The following MARK4 variants were observed in gnomAD, a reference collection of about 807,000 sequenced individuals.
MARK4 encodes microtubule affinity regulating kinase 4, also known as MAP/microtubule affinity-regulating kinase 4.
Under a neutral mutation model 81.5 loss-of-function variants are expected in MARK4, and 19 were observed. That is an observed-to-expected ratio of 0.23 (90% CI 0.16 to 0.34). The LOEUF (loss-of-function observed/expected upper bound fraction) is 0.34, where lower values mean the gene tolerates loss of function less well. Ranked by LOEUF, MARK4 falls within the 10% of genes least tolerant of loss-of-function variation. The pLI is 1.00. For missense variants in MARK4, 772 were observed against 1,058.8 expected (o/e 0.73, Z 3.76); for synonymous variants, 436 against 439.0 (o/e 0.99, Z 0.08).
intron 12 of MARK4, among the ~76,000 whole-genome samples, chr19:45,283,208 G>A (rs1340323332): frequency 4.0e-5 from 6 of 151,880 alleles, no homozygotes; most frequent in South Asian, 2.1e-4. Flanking sequence ...GCAGGAGTTC[G>A]AGACCACTGG....
chr19:45,260,086 C>A (rs1272291410), intron 2 of MARK4, among the ~76,000 whole-genome samples: 1 of 149,176 alleles, frequency 6.7e-6, no homozygotes, highest in Non-Finnish European at 1.5e-5. Flanking sequence ...GACTCTGTCT[C>A]AAAAAAATAA....
intron 13 of MARK4, among the ~76,000 whole-genome samples, chr19:45,289,405 A>T (rs902699178): frequency 6.6e-6 from 1 of 150,712 alleles, no homozygotes; most frequent in African/African-American, 2.4e-5. Context: ...AAAAAAAAAA[A>T]AAAGCATGGG....
At chr19:45,285,601 AG>A (rs1970732866) in intron 12 of MARK4, among the ~76,000 whole-genome samples, 1 of 151,086 alleles carries the variant, frequency 6.6e-6, no homozygotes, top group Non-Finnish European at 1.5e-5. Flanking sequence ...GTAAAATGAC[AG>A]GGCGTGCCCA....
In MARK4 at chr19:45,278,381, C is replaced by T. The variant is rs748303942; in HGVS notation, c.907-135C>T. The T allele has an allele frequency of 3.5e-4, 274 of 785,812 alleles. 1 individual carries two copies. Among genetic ancestry groups the T allele is most frequent in the Non-Finnish European group, 5.2e-4 (241 of 464,282 alleles). 48.7% of individuals were successfully genotyped at this position (785,812 alleles called of 1,614,324 possible). A position where few individuals can be genotyped will look rare whatever the true frequency, so the allele number is the denominator to read the frequency against. On this transcript the variant is annotated intron_variant, in intron 9 of 16. Transcript: ENST00000262891. ...AGGGGACGTGGGGGAGAGAGAGGCCCAGGAGGCGCTATCTCTTAGGAAGCC... is the reference window on the plus strand; with the variant it reads ...AGGGGACGTGGGGGAGAGAGAGGCCTAGGAGGCGCTATCTCTTAGGAAGCC...
chr19:45,294,232 G>C lies in MARK4; in HGVS notation c.1495-117G>C, dbSNP rs527702462. On this transcript the variant is annotated intron_variant, in intron 13 of 16. Coordinates refer to ENST00000262891, the MANE Select transcript of MARK4 (RefSeq NM_001199867.2). Reference sequence around the variant, plus strand: ...CTTTCACCATCTCCTACTCACCCTGGGTTCCCACATGAGCCCCTGACTTAT... The same window carrying C: ...CTTTCACCATCTCCTACTCACCCTGCGTTCCCACATGAGCCCCTGACTTAT... 1.9e-5 allele frequency: 17 copies of C among 894,602 alleles called. No individual in the cohort carries two copies. The East Asian group carries it at 3.9e-4, about 21-fold the overall frequency. 55.4% of individuals were successfully genotyped at this position (894,602 alleles called of 1,614,324 possible).
At chr19:45,252,322 A>G (rs1970254621) in intron 1 of MARK4, among the ~76,000 whole-genome samples, 1 of 151,638 alleles carries the variant, frequency 6.6e-6, no homozygotes, top group Non-Finnish European at 1.5e-5. Flanking sequence ...CGGGGCCCCC[A>G]GATGCCACCT....
intron 13 of MARK4, among the ~76,000 whole-genome samples, chr19:45,288,925 G>A (rs1435516565): frequency 1.3e-5 from 2 of 150,538 alleles, no homozygotes; most frequent in Non-Finnish European, 2.9e-5. Context: ...ATCTACATTC[G>A]GTCCCACTCC....
At chr19:45,254,036 G>C (rs1239623664) in intron 1 of MARK4, among the ~76,000 whole-genome samples, 1 of 152,140 alleles carries the variant, frequency 6.6e-6, no homozygotes, top group East Asian at 1.9e-4. Flanking sequence ...TCCTGGTGGG[G>C]AGTCACTTGC....
chr19:45,298,143 G>A, intron 15 of MARK4, 189 bp downstream of exon 15: 1 of 1,613,632 alleles, frequency 6.2e-7, no homozygotes, highest in Non-Finnish European at 8.5e-7. Context: ...CACACTGCAG[G>A]GTTACCCTCG....
At position 45,280,709 on chromosome 19, in the gene MARK4, C is replaced by CCGCCAG. The variant is rs763953741; in HGVS notation, c.1255_1260dup (p.Gln419_Arg420dup). 4 of 1,614,038 alleles carry CCGCCAG rather than the reference C, an allele frequency of 2.5e-6. No individual in the cohort carries two copies. ...AGCGGAGTTCCTCTTCCACCTACCA[C>CCGCCAG]CGCCAGCGCAGGCATAGCGATTTCT... is the stretch of plus-strand genomic sequence containing the variant. On this transcript the variant is annotated inframe_insertion, in exon 12 of 17. Coordinates refer to ENST00000262891, the MANE Select transcript of MARK4 (RefSeq NM_001199867.2).
At chr19:45,260,377 G>A (rs1342608317) in intron 2 of MARK4, among the ~76,000 whole-genome samples, 3 of 136,132 alleles carry the variant, frequency 2.2e-5, no homozygotes, top group Non-Finnish European at 3.1e-5. Flanking sequence ...CAACAAGACC[G>A]AGACTTTGTC....
rs561020280 is a variant in MARK4, at chr19:45,258,730, G to C, written c.52-259G>C. Among the ~76,000 whole-genome samples, 111 of 152,132 alleles carry C rather than the reference G, an allele frequency of 7.3e-4. No individual in the cohort carries two copies. In the Middle Eastern group the frequency reaches 0.01, roughly 14 times the overall value. On this transcript the variant is annotated intron_variant, in intron 1 of 16. Transcript: ENST00000262891. Reference sequence around the variant, plus strand: ...AAAAAAAAAAGACAAGGAGGTTGGGGGTAGTCAGACTGCAGTGAGGGTTGA... The same window carrying C: ...AAAAAAAAAAGACAAGGAGGTTGGGCGTAGTCAGACTGCAGTGAGGGTTGA...
At chr19:45,266,730 C>CTT (rs35618045) in intron 7 of MARK4, among the ~76,000 whole-genome samples, 1,585 of 124,232 alleles carry the variant, frequency 0.013, 35 homozygotes, top group Non-Finnish European at 0.022. Flanking sequence ...AATCTGAGAA[C>CTT]TTTTTTTTTT....
intron 1 of MARK4, among the ~76,000 whole-genome samples, chr19:45,258,647 C>A (rs981410867): frequency 6.6e-6 from 1 of 151,662 alleles, no homozygotes; most frequent in African/African-American, 2.4e-5. Flanking sequence ...TTGCAGTGAG[C>A]TGAGATCGTG....
intron 6 of MARK4, 135 bp downstream of exon 6, chr19:45,265,045 C>G: frequency 1.3e-6 from 1 of 792,754 alleles, no homozygotes; most frequent in Non-Finnish European, 2.1e-6. Context: ...AGGTGCAGAG[C>G]TGGGTGTGCT....
In MARK4 at chr19:45,300,998, G is replaced by T. The variant is rs532816612; in HGVS notation, c.1922+1143G>T. Among the ~76,000 whole-genome samples, 28 of 152,248 alleles carry T rather than the reference G, an allele frequency of 1.8e-4. No homozygotes were observed. The South Asian group carries it at 3.9e-3, about 21-fold the overall frequency. On this transcript the variant is annotated intron_variant, in intron 16 of 16. Transcript: ENST00000262891. ...GTAGAGCAGCACTCTCGTACTTCAG[G>T]CGGGACGTTTCTTTGTTGTGCAGGG...
intron 12 of MARK4, among the ~76,000 whole-genome samples, chr19:45,282,931 G>T (rs1293700980): frequency 6.6e-6 from 1 of 152,090 alleles, no homozygotes; most frequent in African/African-American, 2.4e-5. Flanking sequence ...GATCGAGGTC[G>T]TGGTGAGCCG....
rs1971019232 is a variant in MARK4 at position 45,304,248 on chromosome 19, C to G, written c.*1538C>G. Reference sequence around the variant, plus strand: ...TTTCTATCCCTCCAGCTTTCTGCAGCAGAAAGACCCTCATTGTCAGTTTCC... The same window carrying G: ...TTTCTATCCCTCCAGCTTTCTGCAGGAGAAAGACCCTCATTGTCAGTTTCC... On this transcript the variant is annotated 3_prime_UTR_variant, in exon 17 of 17. Transcript: ENST00000262891. The G allele has an allele frequency of 6.6e-6, 1 of 152,202 alleles. No individual in the cohort carries two copies. The highest frequency in any genetic ancestry group is 2.4e-5 in the African/African-American group (1 of 41,440). The allele number at this position is 152,202 out of a possible 1,614,324, so 9.4% of individuals were successfully genotyped here.
At chr19:45,256,665 G>A (rs1458058440) in intron 1 of MARK4, among the ~76,000 whole-genome samples, 1 of 152,190 alleles carries the variant, frequency 6.6e-6, no homozygotes, top group South Asian at 2.1e-4. Flanking sequence ...GCGTTGATTG[G>A]GGTTGAGGGC....
Sources: allele counts gnomAD v4.1 joint callset (sites outside exome capture counted in the v4.1 genomes callset), GRCh38; gene constraint gnomAD v4.1.1; transcripts MANE v1.5; gene names NCBI Gene and HGNC (gene_info 2026-07-23, HGNC 2026-07-21).